Variants in CCSER2 observed in about 807,000 individuals in gnomAD.
CCSER2 encodes the protein coiled-coil serine rich protein 2, also known as serine-rich coiled-coil domain-containing protein 2.
CCSER2 carries 46 observed loss-of-function variants against 92.3 expected under a neutral mutation model. That is an observed-to-expected ratio of 0.50 (90% CI 0.39 to 0.64). CCSER2 has a LOEUF of 0.64. Among genes scored for constraint, CCSER2 ranks in the 30% least tolerant of loss-of-function variants. The probability of loss-of-function intolerance (pLI) is 0.00; values close to 1 mark genes in which losing one functional copy is unlikely to be tolerated. For missense variants in CCSER2, 1,244 were observed against 1,238.9 expected, an observed-to-expected ratio of 1.00 and a Z score of -0.06; for synonymous variants, 433 against 431.4, an observed-to-expected ratio of 1.00 and a Z score of -0.04.
rs181579241 is a variant in CCSER2, at chr10:84,338,408, T to G, written c.-40+9600T>G. 1.3e-5 allele frequency among the ~76,000 whole-genome samples: 2 copies of G among 152,160 alleles called. 1 individual carries two copies. The highest frequency in any genetic ancestry group is 4.8e-5 in the African/African-American group (2 of 41,460). ...CAGCTTCCAGCTTACTTTTTTTTCT[T>G]TTGGCATAGTGAAATTAGGGTCCCA... On this transcript the variant is annotated intron_variant, in intron 1 of 9. Coordinates refer to ENST00000372088, the MANE Select transcript of CCSER2 (RefSeq NM_001284240.2).
chr10:84,371,355 T>C lies in CCSER2; in HGVS notation c.303T>C (p.Thr101=). Residue 101 remains threonine (T), a synonymous_variant, in exon 2 of 10, where the codon ACT becomes ACC. Transcript: ENST00000372088. Reference sequence around the variant, plus strand: ...TTGATCCTGAAAAACGTGTTCCTACTCAAGGAATGTTTGATAAAAATGGGA... The same window carrying C: ...TTGATCCTGAAAAACGTGTTCCTACCCAAGGAATGTTTGATAAAAATGGGA... ...KIIDPEKRVP[T]QGMFDKNGIK... 6.2e-7 allele frequency: 1 copy of C among 1,613,688 alleles called. No homozygotes were observed. Among genetic ancestry groups the C allele is most frequent in the Non-Finnish European group, 8.5e-7 (1 of 1,179,830 alleles).
chr10:84,373,591 T>C, intron 2 of CCSER2, 28 bp from the exon 3 acceptor site: 1 of 1,516,536 alleles, frequency 6.6e-7, no homozygotes, highest in Non-Finnish European at 9.1e-7. Flanking sequence ...TATATTTTTG[T>C]GAATCAGTAA....
rs188764931 is a variant in CCSER2, at chr10:84,371,500, G to A, written c.448G>A (p.Gly150Ser). The A allele has an allele frequency of 1.2e-6, 2 of 1,613,712 alleles. No homozygotes were observed. ...QKSFSGPSNL[G>S]KFTKGTLLGR... The stretch of plus-strand genomic sequence containing the variant: ...GTCTTTTTCTGGACCATCTAATTTG[G>A]GTAAATTCACCAAAGGCACATTATT... Residue 150 changes from glycine (G) to serine (S), a missense_variant, in exon 2 of 10, where the codon GGT becomes AGT. Coordinates refer to ENST00000372088, the MANE Select transcript of CCSER2 (RefSeq NM_001284240.2).
At chr10:84,483,953 TTATATATATATATATATA>T (rs57427963) in intron 9 of CCSER2, among the ~76,000 whole-genome samples, 31 of 48,052 alleles carry the variant, frequency 6.5e-4, no homozygotes, top group South Asian at 1.7e-3. Context: ...CCCGGCTAAT[TTATATATATATATATATA>T]TATATATATA....
chr10:84,381,917 C>A (rs200308374), intron 3 of CCSER2, among the ~76,000 whole-genome samples: 274 of 119,850 alleles, frequency 2.3e-3, no homozygotes, highest in Non-Finnish European at 2.9e-3. Context: ...AAGGCTTTCT[C>A]AAAAAAAAAA....
chr10:84,483,778 T>A (rs980194931), intron 9 of CCSER2, among the ~76,000 whole-genome samples: 1 of 149,214 alleles, frequency 6.7e-6, no homozygotes, highest in Admixed American at 6.7e-5. Context: ...AAATGTCAAT[T>A]TTTTTTCTTT....
At chr10:84,344,898 A>G (rs1844396285) in intron 1 of CCSER2, among the ~76,000 whole-genome samples, 1 of 152,186 alleles carries the variant, frequency 6.6e-6, no homozygotes, top group African/African-American at 2.4e-5. Context: ...CCTAAGTTTC[A>G]ATTTCCTTAA....
At chr10:84,406,938 A>G (rs569397022) in intron 3 of CCSER2, among the ~76,000 whole-genome samples, 135 of 152,296 alleles carry the variant, frequency 8.9e-4, no homozygotes, top group African/African-American at 3.2e-3. Context: ...CTCTAATTCT[A>G]ATGATATCTG....
chr10:84,335,612 A>G (rs1310524888), intron 1 of CCSER2, among the ~76,000 whole-genome samples: 1 of 151,968 alleles, frequency 6.6e-6, no homozygotes, highest in East Asian at 1.9e-4. Flanking sequence ...CTCCTCCCCA[A>G]CACTGCCCCC....
At position 84,513,838 on chromosome 10, in the gene CCSER2, A is replaced by C; in HGVS notation, c.2715A>C (p.Arg905Ser). 2.0e-6 allele frequency: 3 copies of C among 1,536,282 alleles called. No individual in the cohort carries two copies. The highest frequency in any genetic ancestry group is 2.6e-6 in the Non-Finnish European group (3 of 1,146,946). Residue 905 changes from arginine (R) to serine (S), a missense_variant, in exon 10 of 10, where the codon AGA (arginine) becomes AGC (serine). Transcript: ENST00000372088. ...STVDQAKRVG[R>S]NQSPPVGYMS... ...TAGACCAGGCTAAGAGAGTTGGAAG[A>C]AATCAGTCTCCGCCAGTGGGTTATA...
intron 3 of CCSER2, among the ~76,000 whole-genome samples, chr10:84,375,569 A>G (rs959460465): frequency 9.1e-5 from 13 of 142,958 alleles, no homozygotes; most frequent in African/African-American, 3.4e-4. Flanking sequence ...TGGACTTTCC[A>G]TCATTACTTA....
intron 1 of CCSER2, among the ~76,000 whole-genome samples, chr10:84,342,278 T>G (rs943420284): frequency 6.6e-6 from 1 of 152,230 alleles, no homozygotes; most frequent in South Asian, 2.1e-4. Context: ...GTGTATGGGA[T>G]ATGATATCAT....
At chr10:84,412,478 G>A (rs537752031) in intron 3 of CCSER2, among the ~76,000 whole-genome samples, 5 of 151,946 alleles carry the variant, frequency 3.3e-5, no homozygotes, top group Admixed American at 2.6e-4. Flanking sequence ...TTTAGAGCTC[G>A]TTATTGGTCT....
chr10:84,499,781 T>C (rs1265210717), intron 9 of CCSER2: 4 of 1,222,234 alleles, frequency 3.3e-6, no homozygotes, highest in Non-Finnish European at 4.8e-6. Context: ...TATTGCTCTG[T>C]GTTATTTAAA....
chr10:84,489,256 G>A (rs988387047), intron 9 of CCSER2, among the ~76,000 whole-genome samples: 40 of 152,228 alleles, frequency 2.6e-4, no homozygotes, highest in Non-Finnish European at 2.8e-4. Flanking sequence ...TGTTAGGTCC[G>A]CTTGGTGCAG....
chr10:84,439,818 A>T (rs1844415288), intron 6 of CCSER2, among the ~76,000 whole-genome samples: 1 of 152,220 alleles, frequency 6.6e-6, no homozygotes, highest in African/African-American at 2.4e-5. Flanking sequence ...CATTGAGCTT[A>T]CAGCCTAGTT....
chr10:84,403,338 TTAAAA>T (rs771140405), intron 3 of CCSER2, among the ~76,000 whole-genome samples: 1 of 152,128 alleles, frequency 6.6e-6, no homozygotes, highest in Non-Finnish European at 1.5e-5. Flanking sequence ...CTATGAAACT[TTAAAA>T]GAAATATAGA....
At chr10:84,427,738 T>C (rs970024703) in intron 5 of CCSER2, among the ~76,000 whole-genome samples, 3 of 152,188 alleles carry the variant, frequency 2.0e-5, no homozygotes, top group African/African-American at 4.8e-5. Flanking sequence ...CCTTTTGATA[T>C]GCTATCTGGA....
chr10:84,347,233 C>G (rs965954893), intron 1 of CCSER2, among the ~76,000 whole-genome samples: 8 of 152,372 alleles, frequency 5.3e-5, no homozygotes, highest in African/African-American at 1.9e-4. Flanking sequence ...CCCACCTTTC[C>G]CCCTTTTCTA....
Sources: allele counts gnomAD v4.1 joint callset (sites outside exome capture counted in the v4.1 genomes callset), GRCh38; gene constraint gnomAD v4.1.1; transcripts MANE v1.5; gene names NCBI Gene and HGNC (gene_info 2026-07-23, HGNC 2026-07-21).